The following SAV1 variants were observed in gnomAD, a reference collection of about 807,000 sequenced individuals.
SAV1 encodes salvador family WW domain containing protein 1, also known as protein salvador homolog 1.
Under a neutral mutation model 47.3 loss-of-function variants are expected in SAV1, and 23 were observed. That is an observed-to-expected ratio of 0.49 (90% CI 0.35 to 0.69). The LOEUF is 0.69. SAV1 is among the 30% of genes least tolerant of loss of function. The pLI is 0.01. For missense variants in SAV1, 448 were observed against 457.4 expected (o/e 0.98, Z 0.19); for synonymous variants, 155 against 159.2 (o/e 0.97, Z 0.20).
chr14:50,667,083 C>T (rs552394804), intron 1 of SAV1, among the ~76,000 whole-genome samples: 2 of 152,098 alleles, frequency 1.3e-5, no homozygotes, highest in South Asian at 4.2e-4. Flanking sequence ...CCATGCCTCA[C>T]AAATGTCCTG....
chr14:50,637,618 T>TC (rs1449530138), intron 4 of SAV1: 1 of 151,312 alleles, frequency 6.6e-6, no homozygotes, highest in Non-Finnish European at 1.5e-5. Context: ...GTATAAGTAT[T>TC]CAAGTTTTGT....
chr14:50,662,261 C>T (rs112214415), intron 2 of SAV1, among the ~76,000 whole-genome samples: 15 of 152,142 alleles, frequency 9.9e-5, no homozygotes, highest in Non-Finnish European at 1.9e-4. Flanking sequence ...CTCCGCCTCC[C>T]GGGTTCACAC....
chr14:50,648,546 G>A (rs529979083), intron 2 of SAV1, among the ~76,000 whole-genome samples: 36 of 152,268 alleles, frequency 2.4e-4, no homozygotes, highest in African/African-American at 8.2e-4. Context: ...TTGGGAGGCC[G>A]AGGCGGGCAG....
At chr14:50,654,141 A>G (rs2039793065) in intron 2 of SAV1, among the ~76,000 whole-genome samples, 1 of 152,192 alleles carries the variant, frequency 6.6e-6, no homozygotes, top group African/African-American at 2.4e-5. Flanking sequence ...AGTTTGCTCC[A>G]TCAATGGACT....
chr14:50,635,701 A>C (rs2039629201), intron 4 of SAV1, among the ~76,000 whole-genome samples: 1 of 152,148 alleles, frequency 6.6e-6, no homozygotes, highest in Non-Finnish European at 1.5e-5. Flanking sequence ...TGCTATTTAC[A>C]TATAATTCTT....
At chr14:50,662,538 G>A (rs561879514) in intron 2 of SAV1, 3 of 152,284 alleles carry the variant, frequency 2.0e-5, no homozygotes, top group Admixed American at 2.0e-4. Flanking sequence ...TTATTTTGAA[G>A]TTGTGACTGG....
chr14:50,654,265 A>T (rs1309260478), intron 2 of SAV1, among the ~76,000 whole-genome samples: 2 of 152,248 alleles, frequency 1.3e-5, no homozygotes, highest in Non-Finnish European at 2.9e-5. Flanking sequence ...CTGCTACTTT[A>T]TCAATTAAAT....
chr14:50,657,867 G>A (rs1201839636), intron 2 of SAV1, among the ~76,000 whole-genome samples: 3 of 152,148 alleles, frequency 2.0e-5, no homozygotes, highest in African/African-American at 7.2e-5. Context: ...CAGTAGATGT[G>A]CCAAAAAACT....
At chr14:50,654,256 T>C (rs1442028758) in intron 2 of SAV1, among the ~76,000 whole-genome samples, 1 of 152,266 alleles carries the variant, frequency 6.6e-6, no homozygotes, top group Non-Finnish European at 1.5e-5. Flanking sequence ...CAAATTCCAC[T>C]GCTACTTTAT....
Position 50,656,210 on chromosome 14 carries a change from G to A in SAV1, c.535+8969C>T, listed in dbSNP as rs73293704. Among the ~76,000 whole-genome samples, 1,074 of 152,202 alleles carry A rather than the reference G, an allele frequency of 7.1e-3. 8 individuals carry two copies. The highest frequency in any genetic ancestry group is 0.024 in the African/African-American group (1,008 of 41,520). On this transcript the variant is annotated intron_variant, in intron 2 of 4. Transcript: ENST00000324679. ...ACATTAGGTACCAAAAGCCATATCT[G>A]ACTATAAATTTGGGATTCATATTTA... is the stretch of plus-strand genomic sequence containing the variant.
Position 50,665,441 on chromosome 14 carries a change from G to C in SAV1, c.273C>G (p.Asn91Lys), listed in dbSNP as rs778038194. ...CAAGATAAGAAGGTGCAGATAATCT[G>C]TTGCTTTCTCTTCTCATTATTTCAT... ...TPHEIMRRES[N>K]RLSAPSYLAR... Residue 91 changes from asparagine to lysine, a missense_variant, in exon 2 of 5, where the codon AAC becomes AAG. Asn to Lys is a moderately conservative substitution (Grantham distance 94). Coordinates refer to ENST00000324679, the MANE Select transcript of SAV1 (RefSeq NM_021818.4). 1 of 1,613,536 alleles carries C rather than the reference G, an allele frequency of 6.2e-7. No individual in the cohort carries two copies. The highest frequency in any genetic ancestry group is 8.5e-7 in the Non-Finnish European group (1 of 1,179,704).
At chr14:50,646,312 C>A (rs2039721294) in intron 2 of SAV1, among the ~76,000 whole-genome samples, 1 of 152,192 alleles carries the variant, frequency 6.6e-6, no homozygotes, top group Non-Finnish European at 1.5e-5. Context: ...CCATATTCAT[C>A]AATTTTCAGA....
In SAV1 at chr14:50,634,358, T is replaced by C. The variant is rs967065593; in HGVS notation, c.*825A>G. The stretch of plus-strand genomic sequence containing the variant: ...ATTTTGTTTTTATTTTTTTATTTTT[T>C]ATTTTTTGAGACAAGGTCTGGCTCT... On this transcript the variant is annotated 3_prime_UTR_variant, in exon 5 of 5. Coordinates refer to ENST00000324679, the MANE Select transcript of SAV1 (RefSeq NM_021818.4). 3.3e-5 allele frequency: 10 copies of C among 300,116 alleles called. No homozygotes were observed. The highest frequency in any genetic ancestry group is 2.2e-4 in the African/African-American group (10 of 45,506). The allele number at this position is 300,116 out of a possible 1,614,324, so 18.6% of individuals were successfully genotyped here.
In SAV1 at chr14:50,665,337, T is replaced by C; in HGVS notation, c.377A>G (p.Asn126Ser). Reference sequence around the variant, plus strand: ...ATAATATCGGGAACCAGAGTCTCCATTTTCAACAGCAAAACTAACTTCCGT... The same window carrying C: ...ATAATATCGGGAACCAGAGTCTCCACTTTCAACAGCAAAACTAACTTCCGT... The part of the protein sequence containing the change: ...FVTEVSFAVE[N>S]GDSGSRYYYS... Residue 126 changes from asparagine (N) to serine (S), a missense_variant, in exon 2 of 5, where the codon AAT becomes AGT. Transcript: ENST00000324679. 6 of 1,613,760 alleles carry C rather than the reference T, an allele frequency of 3.7e-6. No individual in the cohort carries two copies. The highest frequency in any genetic ancestry group is 1.7e-4 in the Middle Eastern group (1 of 6,054).
chr14:50,650,587 C>T (rs1029886075), intron 2 of SAV1, among the ~76,000 whole-genome samples: 1 of 152,150 alleles, frequency 6.6e-6, no homozygotes, highest in African/African-American at 2.4e-5. Flanking sequence ...GCAGCTTCTG[C>T]CTTGGTCAAG....
At position 50,644,862 on chromosome 14, in the gene SAV1, G is replaced by C. The variant is rs1368380529; in HGVS notation, c.688C>G (p.Pro230Ala). ...HNTNTTHWSH[P>A]LEREGLPPGW... ...GGAGGAAGTCCTTCTCGCTCAAGAG[G>C]ATGGCTCCAGTGAGTTGTATTTGTG... Residue 230 changes from proline to alanine, a missense_variant, in exon 3 of 5, where the codon CCT becomes GCT. Transcript: ENST00000324679. 30 of 1,614,004 alleles carry C rather than the reference G, an allele frequency of 1.9e-5. No homozygotes were observed. The highest frequency in any genetic ancestry group is 2.5e-5 in the Non-Finnish European group (30 of 1,180,022).
At chr14:50,648,969 C>G (rs1164372643) in intron 2 of SAV1, among the ~76,000 whole-genome samples, 1 of 152,108 alleles carries the variant, frequency 6.6e-6, no homozygotes, top group Non-Finnish European at 1.5e-5. Context: ...TCTTGTATAA[C>G]TTTCAATATG....
intron 2 of SAV1, among the ~76,000 whole-genome samples, chr14:50,650,283 T>C (rs1171214328): frequency 1.3e-5 from 2 of 152,218 alleles, no homozygotes; most frequent in African/African-American, 4.8e-5. Flanking sequence ...AATAGCAAAC[T>C]GGATGATTAC....
intron 2 of SAV1, among the ~76,000 whole-genome samples, chr14:50,652,768 C>T (rs971368559): frequency 1.7e-4 from 26 of 152,332 alleles, no homozygotes; most frequent in African/African-American, 5.8e-4. Context: ...CAGTGGCTCA[C>T]GCCTATAATC....
Sources: gnomAD v4.1 joint callset for allele counts (sites outside exome capture counted in the v4.1 genomes callset) on GRCh38, gnomAD v4.1.1 for gene constraint, MANE v1.5 for transcripts, NCBI Gene and HGNC (gene_info 2026-07-23, HGNC 2026-07-21) for gene names.